Variants in TEX36 observed in about 807,000 individuals in gnomAD.
TEX36 encodes the protein testis-expressed protein 36.
In TEX36, 12 loss-of-function variants were observed where a neutral mutation model predicts 13.6. The ratio of observed to expected loss-of-function variants is 0.88; its 90% confidence interval spans 0.56 to 1.43. The LOEUF is 1.43. Ranked by LOEUF, TEX36 falls within the 40% of genes most tolerant of loss-of-function variation. The pLI is 0.00. For missense variants in TEX36, 224 were observed against 228.3 expected (o/e 0.98, Z 0.12); for synonymous variants, 93 against 83.0 (o/e 1.12, Z -0.65).
At chr10:125,621,713 A>C in intron 3 of TEX36, 1 of 454,212 alleles carries the variant, frequency 2.2e-6, no homozygotes, top group Non-Finnish European at 4.4e-6. Context: ...GGAAGCCAAC[A>C]GTGTAGCCTT....
At chr10:125,654,277 A>C (rs1379420646), downstream of TEX36, among the ~76,000 whole-genome samples, 2 of 152,182 alleles carry the variant, frequency 1.3e-5, no homozygotes, top group Non-Finnish European at 2.9e-5. Flanking sequence ...TGCATCTGCC[A>C]AAACCAATCT....
intron 3 of TEX36, among the ~76,000 whole-genome samples, chr10:125,605,005 C>A (rs1016922233): frequency 6.6e-6 from 1 of 152,056 alleles, no homozygotes; most frequent in East Asian, 1.9e-4. Flanking sequence ...ATAAATGGAA[C>A]GTGCTTGAAT....
chr10:125,604,369 T>G (rs11244573), intron 3 of TEX36, among the ~76,000 whole-genome samples: 39,831 of 152,094 alleles, frequency 0.26, 8,573 homozygotes, highest in African/African-American at 0.59. Context: ...AAGGGACTAA[T>G]TTGCACGCTC....
downstream of TEX36, among the ~76,000 whole-genome samples, chr10:125,652,381 T>C (rs964591574): frequency 1.3e-5 from 2 of 152,128 alleles, no homozygotes; most frequent in Non-Finnish European, 2.9e-5. Flanking sequence ...AAACAAGAAA[T>C]GGGAAAAGGA....
At chr10:125,626,678 G>T (rs1589761147) in intron 3 of TEX36, among the ~76,000 whole-genome samples, 1 of 152,290 alleles carries the variant, frequency 6.6e-6, no homozygotes, top group Non-Finnish European at 1.5e-5. Flanking sequence ...GGGAGAAGGA[G>T]GGCAATCAGG....
chr10:125,599,243 G>A (rs570361951), intron 3 of TEX36, among the ~76,000 whole-genome samples: 1 of 152,316 alleles, frequency 6.6e-6, no homozygotes, highest in Non-Finnish European at 1.5e-5. Flanking sequence ...AGTCCACATT[G>A]TTGCCCTTAA....
At chr10:125,622,908 C>T (rs558252924) in intron 3 of TEX36, among the ~76,000 whole-genome samples, 3 of 152,292 alleles carry the variant, frequency 2.0e-5, no homozygotes, top group South Asian at 2.1e-4. Context: ...ATCATTGTTG[C>T]GTCTCCTGGT....
At chr10:125,647,405 G>A (rs1351831930) in intron 3 of TEX36, among the ~76,000 whole-genome samples, 2 of 152,208 alleles carry the variant, frequency 1.3e-5, no homozygotes, top group Non-Finnish European at 2.9e-5. Context: ...GATATAAGCG[G>A]GAGAGTGGGT....
rs114081276 is a variant in TEX36 at position 125,604,071 on chromosome 10, T to C, written c.265-27197A>G. Among the ~76,000 whole-genome samples, 590 of 152,158 alleles carry C rather than the reference T, an allele frequency of 3.9e-3. 6 individuals carry two copies. The highest frequency in any genetic ancestry group is 0.014 in the African/African-American group (563 of 41,510). On this transcript the variant is annotated intron_variant, in intron 3 of 3. Coordinates refer to the TEX36 transcript ENST00000532135. ...AGGATGAGGGTCTGTATGTCAGAGT[T>C]GATAAGTCGGGGAGGAGTCCTCAGG...
At chr10:125,654,869 A>C (rs1846914906), downstream of TEX36, among the ~76,000 whole-genome samples, 1 of 152,178 alleles carries the variant, frequency 6.6e-6, no homozygotes, top group South Asian at 2.1e-4. Context: ...ATTTCTCAAC[A>C]CTTTGTGCAT....
At chr10:125,621,563 T>G (rs1410842814), downstream of TEX36, 2 of 455,736 alleles carry the variant, frequency 4.4e-6, no homozygotes, top group Non-Finnish European at 8.8e-6. Context: ...TAATAGGATA[T>G]ATGTATGTAT....
At chr10:125,632,574 T>C (rs1200013582) in intron 3 of TEX36, among the ~76,000 whole-genome samples, 1 of 152,034 alleles carries the variant, frequency 6.6e-6, no homozygotes, top group African/African-American at 2.4e-5. Context: ...GGACCACCTT[T>C]TGAGGAATGC....
chr10:125,637,405 T>C (rs1257417587), intron 3 of TEX36, among the ~76,000 whole-genome samples: 3 of 152,176 alleles, frequency 2.0e-5, no homozygotes, highest in African/African-American at 7.2e-5. Context: ...TATCACAGAT[T>C]GCAGAGTTTC....
At chr10:125,625,587 A>G (rs960453285) in intron 3 of TEX36, among the ~76,000 whole-genome samples, 1 of 152,260 alleles carries the variant, frequency 6.6e-6, no homozygotes, top group Non-Finnish European at 1.5e-5. Context: ...GGAAGGTGAA[A>G]CATGACACAG....
intron 1 of TEX36, among the ~76,000 whole-genome samples, chr10:125,665,856 TG>T (rs1284986736): frequency 6.6e-6 from 1 of 152,210 alleles, no homozygotes; most frequent in African/African-American, 2.4e-5. Flanking sequence ...TCCATTTGTT[TG>T]TGTCATCTTT....
At chr10:125,646,132 C>G (rs1846764019) in intron 3 of TEX36, among the ~76,000 whole-genome samples, 1 of 152,016 alleles carries the variant, frequency 6.6e-6, no homozygotes, top group East Asian at 1.9e-4. Context: ...AGTTTGAGAC[C>G]ATCTGGGCAA....
intron 3 of TEX36, among the ~76,000 whole-genome samples, chr10:125,594,246 T>A: frequency 6.6e-6 from 1 of 152,210 alleles, no homozygotes; most frequent in East Asian, 1.9e-4. Flanking sequence ...AATGGACAAT[T>A]TGCTAGATAT....
At chr10:125,603,143 C>A (rs117405189) in intron 3 of TEX36, among the ~76,000 whole-genome samples, 1 of 152,332 alleles carries the variant, frequency 6.6e-6, no homozygotes, top group South Asian at 2.1e-4. Context: ...GGCCAACCAG[C>A]CTTCCTGTCC....
At chr10:125,604,594 A>G (rs1210249581) in intron 3 of TEX36, among the ~76,000 whole-genome samples, 3 of 152,180 alleles carry the variant, frequency 2.0e-5, no homozygotes, top group Non-Finnish European at 4.4e-5. Flanking sequence ...CGGGCAGATC[A>G]CAAGGTCAAG....
Sources: gnomAD v4.1 joint callset for allele counts (sites outside exome capture counted in the v4.1 genomes callset) on GRCh38, gnomAD v4.1.1 for gene constraint, MANE v1.5 for transcripts, NCBI Gene and HGNC (gene_info 2026-07-23, HGNC 2026-07-21) for gene names.